The following CCDC6 variants were observed in gnomAD, a reference collection of about 807,000 sequenced individuals.
CCDC6 encodes coiled-coil domain-containing protein 6.
Under a neutral mutation model 56.6 loss-of-function variants are expected in CCDC6, and 20 were observed. That is an observed-to-expected ratio of 0.35 (90% CI 0.25 to 0.51). CCDC6 has a LOEUF of 0.51. CCDC6 is among the 20% of genes least tolerant of loss of function. CCDC6 has a pLI of 0.95. For missense variants in CCDC6, 367 were observed against 601.1 expected (o/e 0.61, Z 4.07); for synonymous variants, 241 against 234.4 (o/e 1.03, Z -0.26).
At chr10:59,842,745 AGACAATT>A (rs1419514384) in intron 2 of CCDC6, among the ~76,000 whole-genome samples, 5 of 146,064 alleles carry the variant, frequency 3.4e-5, no homozygotes, top group African/African-American at 1.3e-4. Flanking sequence ...AATTTATGGA[AGACAATT>A]TTTTTTTTTT....
intron 2 of CCDC6, among the ~76,000 whole-genome samples, chr10:59,839,239 G>C (rs1209084151): frequency 6.6e-6 from 1 of 152,176 alleles, no homozygotes; most frequent in Non-Finnish European, 1.5e-5. Flanking sequence ...CAAAGCCTTT[G>C]CCCTCATCTC....
At chr10:59,841,537 A>G (rs2070938660) in intron 2 of CCDC6, among the ~76,000 whole-genome samples, 1 of 152,230 alleles carries the variant, frequency 6.6e-6, no homozygotes, top group Non-Finnish European at 1.5e-5. Context: ...CACTTACACA[A>G]TAATAAGTAA....
At chr10:59,798,776 CGAGGTCAG>C (rs1404004596) in intron 7 of CCDC6, among the ~76,000 whole-genome samples, 1 of 151,974 alleles carries the variant, frequency 6.6e-6, no homozygotes, top group African/African-American at 2.4e-5. Flanking sequence ...GGATGGATCA[CGAGGTCAG>C]GAGTTCGAGA....
chr10:59,895,626 T>G (rs1361258177), intron 1 of CCDC6, among the ~76,000 whole-genome samples: 1 of 152,206 alleles, frequency 6.6e-6, no homozygotes, highest in Non-Finnish European at 1.5e-5. Context: ...GATTTGGAAG[T>G]GGGACAATGG....
chr10:59,816,926 T>G (rs2070713973), intron 3 of CCDC6, among the ~76,000 whole-genome samples: 1 of 152,206 alleles, frequency 6.6e-6, no homozygotes, highest in Non-Finnish European at 1.5e-5. Flanking sequence ...TATGTTGTTT[T>G]TGCATGGCAG....
intron 3 of CCDC6, among the ~76,000 whole-genome samples, chr10:59,822,843 G>A (rs2070758603): frequency 6.6e-6 from 1 of 151,636 alleles, no homozygotes; most frequent in South Asian, 2.1e-4. Flanking sequence ...TTTTCCACTC[G>A]AATGTTGCCT....
At chr10:59,825,360 T>G (rs1236447617) in intron 3 of CCDC6, among the ~76,000 whole-genome samples, 2 of 152,246 alleles carry the variant, frequency 1.3e-5, no homozygotes, top group South Asian at 4.1e-4. Flanking sequence ...CTGCTGTCCA[T>G]GTAAGACGGG....
chr10:59,792,308 G>C lies in CCDC6; in HGVS notation c.*609C>G, dbSNP rs61136525. On this transcript the variant is annotated 3_prime_UTR_variant, in exon 9 of 9. Transcript: ENST00000263102. ...CATTACTTTGGGCCATCTGTTTTAC[G>C]AGAGACATGGATGTCAATAACACAA... The C allele has an allele frequency of 0.012, 4,386 of 357,486 alleles. 172 individuals carry two copies. The highest frequency in any genetic ancestry group is 0.083 in the African/African-American group (4,039 of 48,886). 22.1% of individuals were successfully genotyped at this position (357,486 alleles called of 1,614,324 possible).
intron 2 of CCDC6, among the ~76,000 whole-genome samples, chr10:59,846,021 G>A (rs544063200): frequency 1.3e-5 from 2 of 152,304 alleles, no homozygotes; most frequent in South Asian, 4.1e-4. Context: ...GAAACTTGAA[G>A]GGGAGCGAGG....
intron 2 of CCDC6, among the ~76,000 whole-genome samples, chr10:59,847,817 C>CTTTTTTT (rs757902015): frequency 9.5e-6 from 1 of 104,862 alleles, no homozygotes. Context: ...GCCTTTTAGA[C>CTTTTTTT]TTTTTTTTTT....
chr10:59,858,575 T>C (rs2071098000), intron 1 of CCDC6, among the ~76,000 whole-genome samples: 1 of 152,202 alleles, frequency 6.6e-6, no homozygotes, highest in Non-Finnish European at 1.5e-5. Flanking sequence ...CCAGCTTTCA[T>C]GAAAGACCAG....
intron 3 of CCDC6, among the ~76,000 whole-genome samples, chr10:59,828,614 A>G (rs977416350): frequency 6.6e-6 from 1 of 152,116 alleles, no homozygotes; most frequent in Non-Finnish European, 1.5e-5. Flanking sequence ...CACGTTTGCC[A>G]CTCATTAGCT....
At chr10:59,858,550 G>A (rs2071097797) in intron 1 of CCDC6, among the ~76,000 whole-genome samples, 1 of 152,192 alleles carries the variant, frequency 6.6e-6, no homozygotes, top group Non-Finnish European at 1.5e-5. Flanking sequence ...TTTACCAACT[G>A]TGGTTTCTCT....
At chr10:59,829,360 A>AT (rs1306455362) in intron 3 of CCDC6, among the ~76,000 whole-genome samples, 2 of 152,224 alleles carry the variant, frequency 1.3e-5, no homozygotes, top group African/African-American at 4.8e-5. Context: ...TTAAAATTAC[A>AT]TTTTGTTTCC....
rs560146381 is a variant in CCDC6, at chr10:59,837,962, CATA to C, written c.454-5312_454-5310del. 5.9e-5 allele frequency among the ~76,000 whole-genome samples: 9 copies of C among 152,196 alleles called. No homozygotes were observed. The East Asian group carries it at 1.4e-3, about 23-fold the overall frequency. ...AAGCCATTAGACTGTCAAAAGCAAT[CATA>C]ATGTTATTAATATGAGCTTTGGAAA... On this transcript the variant is annotated intron_variant, in intron 2 of 8. Transcript: ENST00000263102.
At chr10:59,868,509 C>T (rs2071197286) in intron 1 of CCDC6, among the ~76,000 whole-genome samples, 1 of 152,218 alleles carries the variant, frequency 6.6e-6, no homozygotes, top group African/African-American at 2.4e-5. Context: ...GGATGAAAGC[C>T]TCTAATAAAA....
intron 2 of CCDC6, among the ~76,000 whole-genome samples, chr10:59,839,938 G>T (rs2070921796): frequency 6.6e-6 from 1 of 152,098 alleles, no homozygotes; most frequent in South Asian, 2.1e-4. Context: ...TGATTCTCCT[G>T]CCTCAGCCTC....
chr10:59,793,716 G>A lies in CCDC6; in HGVS notation c.1231-605C>T, dbSNP rs144105877. Among the ~76,000 whole-genome samples the A allele has an allele frequency of 1.3e-3, 199 of 151,922 alleles. 2 individuals are homozygous for A. Among genetic ancestry groups the A allele is most frequent in the African/African-American group, 4.6e-3 (189 of 41,416 alleles). On this transcript the variant is annotated intron_variant, in intron 8 of 8. Coordinates refer to ENST00000263102, the MANE Select transcript of CCDC6 (RefSeq NM_005436.5). ...AGAGAATCCCTTGAGCTCCGGAGGC[G>A]GATGTTGCAGTGAGCAGACATCATG... is the stretch of plus-strand genomic sequence containing the variant.
intron 8 of CCDC6, among the ~76,000 whole-genome samples, 193 bp downstream of exon 8, chr10:59,794,280 C>G (rs2070494166): frequency 6.6e-6 from 1 of 152,222 alleles, no homozygotes; most frequent in South Asian, 2.1e-4. Flanking sequence ...AAAGTTTTGT[C>G]TCCTGGGAAG....
Sources: allele counts gnomAD v4.1 joint callset (sites outside exome capture counted in the v4.1 genomes callset), GRCh38; gene constraint gnomAD v4.1.1; transcripts MANE v1.5; gene names NCBI Gene and HGNC (gene_info 2026-07-23, HGNC 2026-07-21).